The following GRK5 variants were observed in gnomAD, a reference collection of about 807,000 sequenced individuals.
GRK5 encodes G protein-coupled receptor kinase 5, also known as g protein-coupled receptor kinase GRK5.
A neutral mutation model predicts 78.4 loss-of-function variants in GRK5; 40 were observed. That is an observed-to-expected ratio of 0.51 (90% CI 0.40 to 0.66). The LOEUF (loss-of-function observed/expected upper bound fraction) is 0.66, where lower values mean the gene tolerates loss of function less well. GRK5 is among the 30% of genes least tolerant of loss of function. The pLI is 0.00. For synonymous variants in GRK5, 289 were observed against 296.8 expected (o/e 0.97, Z 0.27); for missense variants, 598 against 759.9 (o/e 0.79, Z 2.50).
At chr10:119,446,677 G>A (rs1242827270) in intron 12 of GRK5, among the ~76,000 whole-genome samples, 1 of 152,332 alleles carries the variant, frequency 6.6e-6, no homozygotes, top group East Asian at 1.9e-4. Flanking sequence ...CGCCAGCCTG[G>A]TGGTCCGTGG....
At chr10:119,426,468 G>T (rs570161746) in intron 6 of GRK5, among the ~76,000 whole-genome samples, 1 of 152,158 alleles carries the variant, frequency 6.6e-6, no homozygotes, top group South Asian at 2.1e-4. Flanking sequence ...TCCCAAGGAG[G>T]GTCCTCAGAA....
intron 2 of GRK5, among the ~76,000 whole-genome samples, chr10:119,366,357 G>T (rs1157812999): frequency 1.3e-5 from 2 of 152,084 alleles, no homozygotes; most frequent in Admixed American, 6.5e-5. Flanking sequence ...GGAGGCAAAG[G>T]GGGTGGCGGA....
intron 2 of GRK5, among the ~76,000 whole-genome samples, chr10:119,377,774 G>C (rs1251435586): frequency 6.6e-6 from 1 of 152,196 alleles, no homozygotes; most frequent in Non-Finnish European, 1.5e-5. Flanking sequence ...TCTCAAAACT[G>C]CTTTTGGAAA....
At chr10:119,325,972 C>G (rs1010302152) in intron 1 of GRK5, among the ~76,000 whole-genome samples, 1 of 152,192 alleles carries the variant, frequency 6.6e-6, no homozygotes, top group Non-Finnish European at 1.5e-5. Flanking sequence ...CTTCCAGCCT[C>G]GGAGACTCTG....
chr10:119,313,266 GTAA>G (rs1262868724), intron 1 of GRK5, among the ~76,000 whole-genome samples: 6 of 148,390 alleles, frequency 4.0e-5, no homozygotes, highest in African/African-American at 1.3e-4. Context: ...GATGGTGGTG[GTAA>G]TAGTGGTGAT....
chr10:119,208,969 A>G (rs1426546951), intron 1 of GRK5, among the ~76,000 whole-genome samples: 1 of 151,902 alleles, frequency 6.6e-6, no homozygotes, highest in East Asian at 1.9e-4. Context: ...ATAAAAGGGG[A>G]AGAGGTTTTT....
intron 2 of GRK5, among the ~76,000 whole-genome samples, chr10:119,363,426 A>G (rs1251691199): frequency 6.6e-6 from 1 of 152,212 alleles, no homozygotes; most frequent in Non-Finnish European, 1.5e-5. Context: ...AATCTGAGAA[A>G]AGGTCATGCA....
intron 2 of GRK5, among the ~76,000 whole-genome samples, chr10:119,372,156 G>A (rs1373368422): frequency 6.6e-6 from 1 of 152,190 alleles, no homozygotes; most frequent in East Asian, 1.9e-4. Flanking sequence ...CTGAGCTAGG[G>A]GATGGAGGTA....
Position 119,238,476 on chromosome 10 carries a change from C to G in GRK5, c.52+30507C>G, listed in dbSNP as rs1589695171. 6.6e-6 allele frequency among the ~76,000 whole-genome samples: 1 copy of G among 152,176 alleles called. No homozygotes were observed. Among genetic ancestry groups the G allele is most frequent in the South Asian group, 2.1e-4 (1 of 4,826 alleles). On this transcript the variant is annotated intron_variant, in intron 1 of 15. Transcript: ENST00000392870. This position sits in a 1 kb window ranked among gnomAD's most constrained non-coding sequence, Gnocchi z 4.7. ...TTCTGATACTACACACCCCACCCCT[C>G]AACCGCCTGAGAAATTTCTGGAACT...
At chr10:119,380,993 G>A in intron 3 of GRK5, 66 bp downstream of exon 3, 4 of 1,008,406 alleles carry the variant, frequency 4.0e-6, no homozygotes, top group Non-Finnish European at 6.3e-6. Context: ...TTGGCTCAAA[G>A]GAAAAAATAG....
intron 1 of GRK5, among the ~76,000 whole-genome samples, chr10:119,229,406 G>A (rs1326027702): frequency 1.3e-5 from 2 of 152,330 alleles, no homozygotes; most frequent in East Asian, 3.9e-4. Context: ...TACTCTGTCT[G>A]TAATCCTTTA....
intron 2 of GRK5, among the ~76,000 whole-genome samples, chr10:119,344,037 C>G (rs1851029367): frequency 6.6e-6 from 1 of 151,130 alleles, no homozygotes; most frequent in Admixed American, 6.6e-5. Flanking sequence ...GCTTCTCTCT[C>G]CTGCAGTGTC....
chr10:119,289,896 C>G (rs1375190103), intron 1 of GRK5, among the ~76,000 whole-genome samples: 1 of 152,214 alleles, frequency 6.6e-6, no homozygotes, highest in African/African-American at 2.4e-5. Context: ...TTAAAACTCA[C>G]ACTGTTTTAA....
At chr10:119,241,786 T>C (rs972731722) in intron 1 of GRK5, among the ~76,000 whole-genome samples, 1 of 151,986 alleles carries the variant, frequency 6.6e-6, no homozygotes, top group Non-Finnish European at 1.5e-5. Flanking sequence ...TGGTTGGGGG[T>C]TACAAATGAA....
intron 4 of GRK5, among the ~76,000 whole-genome samples, chr10:119,403,864 G>A (rs906422305): frequency 1.3e-5 from 2 of 152,002 alleles, no homozygotes; most frequent in East Asian, 3.9e-4. Context: ...CGAACTCCTG[G>A]CCTCAAGTGA....
intron 2 of GRK5, among the ~76,000 whole-genome samples, chr10:119,367,537 G>C (rs543121772): frequency 6.6e-6 from 1 of 152,240 alleles, no homozygotes; most frequent in Non-Finnish European, 1.5e-5. Context: ...GTGGTCACAT[G>C]GTTGGCTGGG....
chr10:119,411,550 A>G (rs1852336809), intron 4 of GRK5, among the ~76,000 whole-genome samples: 1 of 152,230 alleles, frequency 6.6e-6, no homozygotes, highest in South Asian at 2.1e-4. Flanking sequence ...TGAAGCTTAA[A>G]TAACTTGCTG....
rs566820587 is a variant in GRK5, at chr10:119,406,903, A to G, written c.339+10131A>G. Among the ~76,000 whole-genome samples the G allele has an allele frequency of 2.6e-5, 4 of 152,302 alleles. No individual in the cohort carries two copies. In the South Asian group the frequency reaches 8.3e-4, roughly 32 times the overall value. ...CATGAGCTGTCTTGGGACAGCTAGCATTTATTGAGCTACTACTGTAGCCTA... is the reference window on the plus strand; with the variant it reads ...CATGAGCTGTCTTGGGACAGCTAGCGTTTATTGAGCTACTACTGTAGCCTA... On this transcript the variant is annotated intron_variant, in intron 4 of 15. Coordinates refer to ENST00000392870, the MANE Select transcript of GRK5 (RefSeq NM_005308.3).
chr10:119,314,941 G>A (rs542231831), intron 1 of GRK5, among the ~76,000 whole-genome samples: 348 of 152,326 alleles, frequency 2.3e-3, no homozygotes, highest in Middle Eastern at 3.4e-3. Flanking sequence ...CTCAGAAGGT[G>A]AGAGCCATAG....
Sources: gnomAD v4.1 joint callset for allele counts (sites outside exome capture counted in the v4.1 genomes callset) on GRCh38, gnomAD v4.1.1 for gene constraint, Gnocchi (gnomAD v3.1) non-coding constraint, MANE v1.5 for transcripts, NCBI Gene and HGNC (gene_info 2026-07-23, HGNC 2026-07-21) for gene names.